ASTN1: variants seen among roughly 807,000 people sequenced by gnomAD.
ASTN1 encodes the protein astrotactin-1.
A neutral mutation model predicts 140.7 loss-of-function variants in ASTN1; 41 were observed. That is an observed-to-expected ratio of 0.29 (90% CI 0.23 to 0.38). The LOEUF (loss-of-function observed/expected upper bound fraction) is 0.38, where lower values mean the gene tolerates loss of function less well. Ranked by LOEUF, ASTN1 falls within the 10% of genes least tolerant of loss-of-function variation. The probability of loss-of-function intolerance (pLI) is 1.00; values close to 1 mark genes in which losing one functional copy is unlikely to be tolerated. For missense variants in ASTN1, 1,479 were observed against 1,678.8 expected, an observed-to-expected ratio of 0.88 and a Z score of 2.08; for synonymous variants, 640 against 652.2, an observed-to-expected ratio of 0.98 and a Z score of 0.29.
intron 1 of ASTN1, 55 bp downstream of exon 1, chr1:177,164,339 G>A: frequency 1.4e-6 from 2 of 1,475,604 alleles, no homozygotes; most frequent in Non-Finnish European, 1.8e-6. Context: ...CTGGAGTGGG[G>A]GGTGGGGGCG....
intron 1 of ASTN1, among the ~76,000 whole-genome samples, chr1:177,076,846 T>C (rs1031703507): frequency 4.6e-5 from 7 of 152,144 alleles, no homozygotes; most frequent in African/African-American, 1.2e-4. Context: ...GACTGCGTTA[T>C]AGATGATAAA....
Position 177,032,568 on chromosome 1 carries a change from G to A in ASTN1, c.753C>T (p.His251=). The change falls in exon 3 of 23, where the codon CAC becomes CAT. Residue 251 remains histidine, a synonymous_variant. Transcript: ENST00000361833. ...CGTTCATGCACTCCCTCTGCAGATG[G>A]TGGCGCAGATCAGTGATGTCATACT... ...GYEYDITDLR[H]HLQRECMNGG... The A allele has an allele frequency of 6.2e-7, 1 of 1,614,184 alleles. No homozygotes were observed.
chr1:176,969,104 G>C (rs147895182), intron 8 of ASTN1, among the ~76,000 whole-genome samples: 2 of 152,108 alleles, frequency 1.3e-5, no homozygotes, highest in African/African-American at 4.8e-5. Context: ...AAGAGGAAAG[G>C]CCTCTGTATT....
intron 5 of ASTN1, among the ~76,000 whole-genome samples, chr1:177,025,102 C>T (rs2076072): frequency 0.13 from 20,547 of 152,206 alleles, 1,777 homozygotes; most frequent in East Asian, 0.19. Context: ...CCACACTATA[C>T]CTCCCATCGC....
chr1:177,012,289 T>C (rs550835818), intron 8 of ASTN1, among the ~76,000 whole-genome samples: 14 of 152,320 alleles, frequency 9.2e-5, no homozygotes, highest in African/African-American at 3.1e-4. Context: ...ATGTATGGCA[T>C]CTTATACTTT....
At chr1:176,901,125 G>A (rs1334167839) in intron 16 of ASTN1, among the ~76,000 whole-genome samples, 1 of 152,092 alleles carries the variant, frequency 6.6e-6, no homozygotes, top group Non-Finnish European at 1.5e-5. Flanking sequence ...AGATGCTCTG[G>A]GTTCTTTTAA....
chr1:177,084,137 T>C (rs1023777025), intron 1 of ASTN1, among the ~76,000 whole-genome samples: 2 of 152,178 alleles, frequency 1.3e-5, no homozygotes, highest in African/African-American at 4.8e-5. Context: ...ACAGTGCTGC[T>C]CCAGCTCCCT....
At chr1:177,109,808 A>G (rs1680732375) in intron 1 of ASTN1, among the ~76,000 whole-genome samples, 1 of 152,218 alleles carries the variant, frequency 6.6e-6, no homozygotes, top group Non-Finnish European at 1.5e-5. Flanking sequence ...CCTTCCTTTC[A>G]TAATAGAGAA....
chr1:177,157,718 T>C (rs1024457444), intron 1 of ASTN1, among the ~76,000 whole-genome samples: 1 of 152,182 alleles, frequency 6.6e-6, no homozygotes, highest in Non-Finnish European at 1.5e-5. Context: ...ACCCTCTCCC[T>C]TCACACAATC....
chr1:176,982,644 G>A (rs1316089669), intron 8 of ASTN1, among the ~76,000 whole-genome samples: 1 of 152,080 alleles, frequency 6.6e-6, no homozygotes, highest in African/African-American at 2.4e-5. Context: ...ACTATCACTG[G>A]GCACCAGAAT....
At chr1:177,145,742 G>T (rs1017228409) in intron 1 of ASTN1, among the ~76,000 whole-genome samples, 2 of 152,208 alleles carry the variant, frequency 1.3e-5, no homozygotes, top group African/African-American at 2.4e-5. Flanking sequence ...TCAGCACCAA[G>T]TTCACAGGCA....
intron 10 of ASTN1, among the ~76,000 whole-genome samples, chr1:176,958,098 A>C (rs1425026574): frequency 6.6e-6 from 1 of 152,166 alleles, no homozygotes; most frequent in African/African-American, 2.4e-5. Context: ...GTCAGTCCTT[A>C]GTGTATGTGA....
intron 5 of ASTN1, among the ~76,000 whole-genome samples, chr1:177,027,369 C>T (rs986017603): frequency 3.3e-5 from 5 of 152,016 alleles, no homozygotes; most frequent in East Asian, 1.9e-4. Context: ...CAATGACTTG[C>T]TACGGATATT....
intron 16 of ASTN1, among the ~76,000 whole-genome samples, chr1:176,921,342 C>T (rs1440544894): frequency 2.0e-5 from 3 of 152,150 alleles, no homozygotes; most frequent in Admixed American, 6.5e-5. Context: ...AAGAAAATGG[C>T]TAGTGGCCAA....
At chr1:176,997,262 G>C (rs1674499485) in intron 8 of ASTN1, among the ~76,000 whole-genome samples, 1 of 152,178 alleles carries the variant, frequency 6.6e-6, no homozygotes, top group African/African-American at 2.4e-5. Context: ...CTAGTTCACA[G>C]GGGAGGATGT....
At chr1:176,903,471 C>T (rs368787069) in intron 16 of ASTN1, among the ~76,000 whole-genome samples, 6 of 152,210 alleles carry the variant, frequency 3.9e-5, no homozygotes, top group African/African-American at 1.4e-4. Context: ...GGATGTACCC[C>T]TCTGCATGTC....
chr1:176,871,948 C>T (rs1399859664), intron 21 of ASTN1, among the ~76,000 whole-genome samples: 1 of 152,134 alleles, frequency 6.6e-6, no homozygotes, highest in Admixed American at 6.5e-5. Context: ...TCTACACAGC[C>T]TCATCATAAA....
At chr1:177,014,129 T>C (rs1490559178) in intron 8 of ASTN1, among the ~76,000 whole-genome samples, 3 of 151,870 alleles carry the variant, frequency 2.0e-5, no homozygotes, top group African/African-American at 2.4e-5. Flanking sequence ...CTGAATTGTA[T>C]ACTTAAAAAT....
intron 1 of ASTN1, among the ~76,000 whole-genome samples, chr1:177,071,975 T>C (rs1010871370): frequency 6.6e-6 from 1 of 152,192 alleles, no homozygotes; most frequent in Non-Finnish European, 1.5e-5. Flanking sequence ...CTCTCTTCAT[T>C]CATCATTTCT....
Sources: allele counts gnomAD v4.1 joint callset (sites outside exome capture counted in the v4.1 genomes callset), GRCh38; gene constraint gnomAD v4.1.1; transcripts MANE v1.5; gene names NCBI Gene and HGNC (gene_info 2026-07-23, HGNC 2026-07-21).